The following DAB1 variants were observed in gnomAD, a reference collection of about 807,000 sequenced individuals.
DAB1 encodes the protein disabled homolog 1.
In DAB1, 15 loss-of-function variants were observed where a neutral mutation model predicts 64.6. That is an observed-to-expected ratio of 0.23 (90% CI 0.16 to 0.36). DAB1 has a LOEUF of 0.36. Ranked by LOEUF, DAB1 falls within the 10% of genes least tolerant of loss-of-function variation. The pLI is 1.00. For synonymous variants in DAB1, 235 were observed against 251.9 expected, an observed-to-expected ratio of 0.93 and a Z score of 0.64; for missense variants, 596 against 706.7, an observed-to-expected ratio of 0.84 and a Z score of 1.78.
intron 2 of DAB1, among the ~76,000 whole-genome samples, chr1:57,223,492 C>G (rs1667035762): frequency 6.6e-6 from 1 of 152,118 alleles, no homozygotes; most frequent in Non-Finnish European, 1.5e-5. Flanking sequence ...TACCAGTGAC[C>G]AGACTGCAGC....
At chr1:58,502,991 T>G (rs1401504522) in intron 3 of DAB1, among the ~76,000 whole-genome samples, 1 of 152,210 alleles carries the variant, frequency 6.6e-6, no homozygotes, top group Non-Finnish European at 1.5e-5. Flanking sequence ...CTAGCCATTT[T>G]TCTTCCTACT....
chr1:57,449,384 CTTTT>C (rs11418578), intron 7 of DAB1, among the ~76,000 whole-genome samples: 2 of 139,602 alleles, frequency 1.4e-5, no homozygotes, highest in Admixed American at 7.2e-5. Context: ...TGTCTATCTG[CTTTT>C]TTTTTTTTTT....
chr1:57,636,975 TA>T (rs1027391179), intron 7 of DAB1, among the ~76,000 whole-genome samples: 1 of 152,258 alleles, frequency 6.6e-6, no homozygotes, highest in South Asian at 2.1e-4. Context: ...TCATAAAAAT[TA>T]AAAAAGTTAC....
intron 7 of DAB1, among the ~76,000 whole-genome samples, chr1:57,434,615 G>A (rs1262900655): frequency 2.6e-5 from 4 of 152,188 alleles, no homozygotes; most frequent in African/African-American, 4.8e-5. Context: ...TGAGAAATGC[G>A]TCATTAGGCA....
intron 5 of DAB1, among the ~76,000 whole-genome samples, chr1:58,049,507 C>A (rs1187056791): frequency 6.6e-6 from 1 of 152,106 alleles, no homozygotes; most frequent in Non-Finnish European, 1.5e-5. Flanking sequence ...AATTATAATT[C>A]TTTCCAAATT....
At chr1:57,669,302 A>G (rs1219115905) in intron 6 of DAB1, among the ~76,000 whole-genome samples, 1 of 152,172 alleles carries the variant, frequency 6.6e-6, no homozygotes, top group African/African-American at 2.4e-5. Flanking sequence ...CACACACTTC[A>G]TTCTGTAAAC....
intron 1 of DAB1, among the ~76,000 whole-genome samples, chr1:57,841,464 C>A (rs887856684): frequency 6.6e-6 from 1 of 152,200 alleles, no homozygotes; most frequent in Non-Finnish European, 1.5e-5. Context: ...CTCTGCATTA[C>A]CCTAGTAGAA....
intron 7 of DAB1, among the ~76,000 whole-genome samples, chr1:57,444,238 C>T (rs935187134): frequency 6.6e-6 from 1 of 152,120 alleles, no homozygotes; most frequent in Non-Finnish European, 1.5e-5. Context: ...CTGACCTGAC[C>T]CCCATCCTTA....
At chr1:57,330,649 C>A (rs906183000) in intron 1 of DAB1, among the ~76,000 whole-genome samples, 2 of 152,114 alleles carry the variant, frequency 1.3e-5, no homozygotes, top group Non-Finnish European at 2.9e-5. Context: ...ACAGTGTCGA[C>A]GTGATGTGCT....
intron 3 of DAB1, among the ~76,000 whole-genome samples, chr1:58,498,050 G>A (rs1318087612): frequency 6.6e-6 from 1 of 151,902 alleles, no homozygotes; most frequent in Non-Finnish European, 1.5e-5. Flanking sequence ...TCCCCTATAA[G>A]GCCCTGATAT....
At chr1:58,161,904 A>T (rs920649121) in intron 4 of DAB1, among the ~76,000 whole-genome samples, 2 of 152,156 alleles carry the variant, frequency 1.3e-5, no homozygotes, top group African/African-American at 4.8e-5. Flanking sequence ...TCAGATTTAC[A>T]TTTTAGAAAG....
At chr1:58,170,099 G>A (rs1349499485) in intron 4 of DAB1, among the ~76,000 whole-genome samples, 1 of 152,166 alleles carries the variant, frequency 6.6e-6, no homozygotes, top group African/African-American at 2.4e-5. Flanking sequence ...TGGTATCTTA[G>A]TCAAGTAAAT....
At chr1:58,251,240 CAATA>C (rs1660787377) in intron 4 of DAB1, among the ~76,000 whole-genome samples, 1 of 152,156 alleles carries the variant, frequency 6.6e-6, no homozygotes, top group African/African-American at 2.4e-5. Context: ...ATTCACTCAT[CAATA>C]AATATTTTTG....
At chr1:58,466,856 G>A (rs1487564786) in intron 3 of DAB1, among the ~76,000 whole-genome samples, 1 of 152,168 alleles carries the variant, frequency 6.6e-6, no homozygotes, top group Non-Finnish European at 1.5e-5. Context: ...CACTAGTTGG[G>A]GGACTCCTTG....
chr1:57,768,610 G>A (rs1286603463), intron 6 of DAB1, among the ~76,000 whole-genome samples: 2 of 150,168 alleles, frequency 1.3e-5, no homozygotes, highest in South Asian at 2.1e-4. Context: ...ATACAGTAAG[G>A]TATATATATT....
intron 4 of DAB1, among the ~76,000 whole-genome samples, chr1:57,115,869 G>A (rs1286659222): frequency 2.6e-5 from 4 of 152,132 alleles, no homozygotes; most frequent in African/African-American, 9.7e-5. Context: ...AAGTTAGACT[G>A]GGTTGAAACA....
chr1:57,038,322 G>A (rs1456411203), intron 9 of DAB1, among the ~76,000 whole-genome samples: 1 of 152,168 alleles, frequency 6.6e-6, no homozygotes, highest in Non-Finnish European at 1.5e-5. Context: ...CATTGCCGGA[G>A]CTAAGTGAAA....
chr1:57,802,841 G>T (rs12128787), intron 6 of DAB1, among the ~76,000 whole-genome samples: 27,855 of 152,056 alleles, frequency 0.18, 2,820 homozygotes, highest in Admixed American at 0.31. Context: ...TTTATAAATT[G>T]CCTAGTTTTT....
chr1:57,731,505 AG>A lies in DAB1; in HGVS notation n.552-81841del, dbSNP rs759025621. Among the ~76,000 whole-genome samples, 20 of 152,316 alleles carry A rather than the reference AG, an allele frequency of 1.3e-4. No homozygotes were observed. The South Asian group carries it at 2.7e-3, about 21-fold the overall frequency. The stretch of plus-strand genomic sequence containing the variant: ...TTACCACAATAAAAAATGAAAAAAA[AG>A]AATTAATAATTAGGCCAGATGCAGT... On this transcript the variant is annotated intron_variant and non_coding_transcript_variant, in intron 6 of 20. Coordinates refer to the DAB1 transcript ENST00000485760.
Sources: gnomAD v4.1 joint callset for allele counts (sites outside exome capture counted in the v4.1 genomes callset) on GRCh38, gnomAD v4.1.1 for gene constraint, MANE v1.5 for transcripts, NCBI Gene and HGNC (gene_info 2026-07-23, HGNC 2026-07-21) for gene names.